The following SRGAP1 variants were observed in gnomAD, a reference collection of about 807,000 sequenced individuals.
SRGAP1 encodes the protein SLIT-ROBO Rho GTPase activating protein 1.
Under a neutral mutation model 121.9 loss-of-function variants are expected in SRGAP1, and 43 were observed. The observed-to-expected ratio is 0.35, with a 90% CI of 0.28 to 0.46. SRGAP1 has a LOEUF of 0.46. Ranked by LOEUF, SRGAP1 falls within the 20% of genes least tolerant of loss-of-function variation. The pLI is 1.00. For missense variants in SRGAP1, 1,102 were observed against 1,350.9 expected (o/e 0.82, Z 2.89); for synonymous variants, 447 against 485.4 (o/e 0.92, Z 1.04).
At chr12:64,069,771 T>A (rs777715795) in intron 8 of SRGAP1, among the ~76,000 whole-genome samples, 3 of 152,166 alleles carry the variant, frequency 2.0e-5, no homozygotes, top group Admixed American at 6.6e-5. Context: ...TCCTCCTGCC[T>A]CAGCCTCCCA....
rs778750662 is a variant in SRGAP1 at position 64,097,386 on chromosome 12, A to G, written c.1813+11A>G. On this transcript the variant is annotated intron_variant, in intron 15 of 21. Coordinates refer to ENST00000355086, the MANE Select transcript of SRGAP1 (RefSeq NM_020762.4). ...TGATTTCTTGTATCAGTAAGTGGAC[A>G]TTTTTTTCATCTTTTCCCACAAGAA... 4.4e-6 allele frequency: 7 copies of G among 1,602,226 alleles called. No individual in the cohort carries two copies. The African/African-American group carries it at 9.5e-5, about 22-fold the overall frequency.
intron 21 of SRGAP1, among the ~76,000 whole-genome samples, chr12:64,141,286 A>G (rs567281410): frequency 2.3e-5 from 3 of 129,222 alleles, no homozygotes; most frequent in Admixed American, 7.7e-5. Context: ...AAAAAAAAAA[A>G]AAAAGAAAAA....
chr12:63,920,315 T>A (rs904929906), intron 1 of SRGAP1, among the ~76,000 whole-genome samples: 1 of 152,144 alleles, frequency 6.6e-6, no homozygotes, highest in Non-Finnish European at 1.5e-5. Flanking sequence ...AAACCATGAA[T>A]GACTGATGGG....
chr12:64,018,493 T>A (rs574068723), intron 4 of SRGAP1, among the ~76,000 whole-genome samples: 2 of 152,306 alleles, frequency 1.3e-5, no homozygotes, highest in East Asian at 3.9e-4. Flanking sequence ...TAAAATACAG[T>A]TTTGTAAATT....
intron 1 of SRGAP1, among the ~76,000 whole-genome samples, chr12:63,943,748 T>TG (rs1256383602): frequency 1.4e-4 from 22 of 152,274 alleles, no homozygotes; most frequent in South Asian, 8.3e-4. Context: ...CAGTGGGCCA[T>TG]GGGGTATACA....
chr12:64,087,820 G>T (rs978242199), intron 11 of SRGAP1, among the ~76,000 whole-genome samples: 24 of 152,134 alleles, frequency 1.6e-4, no homozygotes, highest in Admixed American at 3.9e-4. Context: ...TCTCCATTTT[G>T]ATTCACTTTA....
rs145203794 is a variant in SRGAP1 at position 64,085,906 on chromosome 12, G to A, written c.1409-1093G>A. 5.9e-4 allele frequency among the ~76,000 whole-genome samples: 90 copies of A among 152,300 alleles called. 1 individual carries two copies. Among genetic ancestry groups the A allele is most frequent in the Admixed American group, 4.6e-3 (70 of 15,300 alleles). The stretch of plus-strand genomic sequence containing the variant: ...GTGGCCTGGCCCTATGTGAAGAAAG[G>A]TAGTCTCAGATTTTAACTGTTTCAC... On this transcript the variant is annotated intron_variant, in intron 10 of 21. Coordinates refer to ENST00000355086, the MANE Select transcript of SRGAP1 (RefSeq NM_020762.4).
rs1490686618 is a variant in SRGAP1 at position 64,160,238 on chromosome 12, C to G, written c.*17566C>G. On this transcript the variant is annotated 3_prime_UTR_variant, in exon 22 of 22. Transcript: ENST00000355086. ...TTCCACTATTTCCTGGAACCTCATA[C>G]AGCCATCTCAGCTAGTCATGACTGA... The G allele has an allele frequency of 7.9e-5, 12 of 152,220 alleles. No individual in the cohort carries two copies. Among genetic ancestry groups the G allele is most frequent in the Admixed American group, 7.9e-4 (12 of 15,284 alleles). The allele number at this position is 152,220 out of a possible 1,614,324, so 9.4% of individuals were successfully genotyped here.
At chr12:63,900,180 TTTTTTCTTTTTC>T (rs1281139837) in intron 1 of SRGAP1, among the ~76,000 whole-genome samples, 2 of 129,052 alleles carry the variant, frequency 1.5e-5, no homozygotes, top group African/African-American at 2.9e-5. Context: ...TTGCCCTTGC[TTTTTTCTTTTTC>T]TTTTTCTTTT....
chr12:63,925,923 T>C (rs1019398673), intron 1 of SRGAP1, among the ~76,000 whole-genome samples: 3 of 152,196 alleles, frequency 2.0e-5, no homozygotes, highest in African/African-American at 7.2e-5. Context: ...TGTTCTTTAA[T>C]TCACACTGTA....
At chr12:63,968,079 A>G (rs1328013681) in intron 1 of SRGAP1, among the ~76,000 whole-genome samples, 1 of 152,240 alleles carries the variant, frequency 6.6e-6, no homozygotes, top group African/African-American at 2.4e-5. Context: ...GTGACTCACT[A>G]AATATGTTAC....
chr12:64,126,376 A>C (rs2136636517), intron 19 of SRGAP1, among the ~76,000 whole-genome samples: 1 of 152,346 alleles, frequency 6.6e-6, no homozygotes, highest in Admixed American at 6.5e-5. Flanking sequence ...CATCTTCTGA[A>C]GCTTTCAGAT....
chr12:64,117,397 C>T (rs1291202265), intron 18 of SRGAP1, among the ~76,000 whole-genome samples: 1 of 151,958 alleles, frequency 6.6e-6, no homozygotes, highest in African/African-American at 2.4e-5. Flanking sequence ...TTTGTGGGTC[C>T]ACATCAGGTC....
At chr12:64,118,674 T>C (rs1449403216) in intron 18 of SRGAP1, among the ~76,000 whole-genome samples, 2 of 152,196 alleles carry the variant, frequency 1.3e-5, no homozygotes, top group Non-Finnish European at 2.9e-5. Context: ...CATTTTAAAA[T>C]ATACCTGTTG....
intron 1 of SRGAP1, among the ~76,000 whole-genome samples, chr12:63,845,970 G>C (rs1295097814): frequency 7.2e-5 from 11 of 152,198 alleles, no homozygotes; most frequent in African/African-American, 2.7e-4. Context: ...CTTTTGTGTG[G>C]TCAAGTTGTA....
intron 1 of SRGAP1, among the ~76,000 whole-genome samples, chr12:63,965,533 TGGTAGCTCACACCTATAATCCCA>T (rs2032766085): frequency 6.6e-6 from 1 of 152,092 alleles, no homozygotes; most frequent in Non-Finnish European, 1.5e-5. Context: ...GGGCTGGGTG[TGGTAGCTCACACCTATAATCCCA>T]GCACTTTGTT....
At chr12:63,966,996 A>C (rs1159280438) in intron 1 of SRGAP1, among the ~76,000 whole-genome samples, 1 of 152,172 alleles carries the variant, frequency 6.6e-6, no homozygotes, top group African/African-American at 2.4e-5. Context: ...TTATGTCCTG[A>C]GCTTTTTGAT....
chr12:64,161,145 T>C lies in SRGAP1; in HGVS notation c.*18473T>C, dbSNP rs2037206731. 6.6e-6 allele frequency: 1 copy of C among 152,214 alleles called. No homozygotes were observed. The highest frequency in any genetic ancestry group is 6.5e-5 in the Admixed American group (1 of 15,276). 9.4% of individuals were successfully genotyped at this position (152,214 alleles called of 1,614,324 possible). ...TTACTTTTATTTCATTTGCTTAGCT[T>C]TCTATGTACATAAGTAGATAAAAAT... On this transcript the variant is annotated 3_prime_UTR_variant, in exon 22 of 22. Coordinates refer to ENST00000355086, the MANE Select transcript of SRGAP1 (RefSeq NM_020762.4).
chr12:63,974,896 T>A (rs1334770477), intron 1 of SRGAP1, among the ~76,000 whole-genome samples: 1 of 152,162 alleles, frequency 6.6e-6, no homozygotes, highest in Non-Finnish European at 1.5e-5. Context: ...TCCCTACATT[T>A]ATGCAGCCTC....
Sources: gnomAD v4.1 joint callset for allele counts (sites outside exome capture counted in the v4.1 genomes callset) on GRCh38, gnomAD v4.1.1 for gene constraint, MANE v1.5 for transcripts, NCBI Gene and HGNC (gene_info 2026-07-23, HGNC 2026-07-21) for gene names.